Variants in PRR16 observed in about 807,000 individuals in gnomAD.
PRR16 encodes the protein proline rich 16.
PRR16 carries 6 observed loss-of-function variants against 18.2 expected under a neutral mutation model. The ratio of observed to expected loss-of-function variants is 0.33; its 90% CI spans 0.18 to 0.65. PRR16 has a LOEUF of 0.65. Among genes scored for constraint, PRR16 ranks in the 30% least tolerant of loss-of-function variants. The probability of loss-of-function intolerance (pLI) is 0.74; values close to 1 mark genes in which losing one functional copy is unlikely to be tolerated. For missense variants in PRR16, 412 were observed against 376.6 expected (o/e 1.09, Z -0.78); for synonymous variants, 151 against 147.8 (o/e 1.02, Z -0.16).
At chr5:120,609,042 A>G (rs969587404) in intron 1 of PRR16, among the ~76,000 whole-genome samples, 2 of 152,068 alleles carry the variant, frequency 1.3e-5, no homozygotes, top group Non-Finnish European at 2.9e-5. Flanking sequence ...AAATGACCAC[A>G]TCTTCTAAAA....
intron 1 of PRR16, among the ~76,000 whole-genome samples, chr5:120,583,313 ATGTGTGTGTGTGTGTG>A (rs35255792): frequency 6.7e-6 from 1 of 149,014 alleles, no homozygotes; most frequent in Non-Finnish European, 1.5e-5. Flanking sequence ...ATACAAAATA[ATGTGTGTGTGTGTGTG>A]TGTGTGTGTG....
the PRR16 span, among the ~76,000 whole-genome samples, chr5:120,779,429 A>G: frequency 1.3e-5 from 2 of 151,158 alleles, no homozygotes; most frequent in Non-Finnish European, 3.0e-5. Flanking sequence ...AACAAAACAA[A>G]AAAACACAAC....
the PRR16 span, among the ~76,000 whole-genome samples, chr5:120,752,640 T>C: frequency 6.6e-6 from 1 of 152,072 alleles, no homozygotes; most frequent in African/African-American, 2.4e-5. Flanking sequence ...TATTCCTAGA[T>C]TGTGTAACAG....
At chr5:120,467,855 T>C (rs1561502315) in intron 1 of PRR16, among the ~76,000 whole-genome samples, 2 of 152,172 alleles carry the variant, frequency 1.3e-5, no homozygotes, top group Non-Finnish European at 2.9e-5. Context: ...TTCTATGCTA[T>C]TAATATATTG....
At position 120,551,860 on chromosome 5, in the gene PRR16, CA is replaced by C; in HGVS notation, c.159+87216del. 2.0e-5 allele frequency among the ~76,000 whole-genome samples: 3 copies of C among 152,056 alleles called. No homozygotes were observed. In the South Asian group the frequency reaches 6.2e-4, roughly 31 times the overall value. ...ACAGGGTCTCTTGCTATGCTAGCAT[CA>C]TGTCTTCTACATTTAATAAATAGCC... On this transcript the variant is annotated intron_variant, in intron 1 of 1. Transcript: ENST00000407149.
chr5:120,681,961 T>A (rs1288968751), intron 1 of PRR16, among the ~76,000 whole-genome samples: 2 of 152,248 alleles, frequency 1.3e-5, no homozygotes. Flanking sequence ...CTGTGTACTT[T>A]AGAGGACACT....
chr5:120,778,500 T>C, the PRR16 span, among the ~76,000 whole-genome samples: 1 of 152,300 alleles, frequency 6.6e-6, no homozygotes, highest in African/African-American at 2.4e-5. Context: ...TTGAGTACAA[T>C]GTTTTAAAAA....
chr5:120,704,821 A>T, the PRR16 span, among the ~76,000 whole-genome samples: 1 of 152,222 alleles, frequency 6.6e-6, no homozygotes, highest in Non-Finnish European at 1.5e-5. Flanking sequence ...TAATTGAGAC[A>T]GTATATAGTC....
At chr5:120,637,726 A>G (rs1755286310) in intron 1 of PRR16, among the ~76,000 whole-genome samples, 1 of 152,094 alleles carries the variant, frequency 6.6e-6, no homozygotes, top group Non-Finnish European at 1.5e-5. Flanking sequence ...GTATGCCAAA[A>G]TCTCAGAAAT....
At chr5:120,772,635 A>G in the PRR16 span, among the ~76,000 whole-genome samples, 1 of 152,072 alleles carries the variant, frequency 6.6e-6, no homozygotes, top group African/African-American at 2.4e-5. Flanking sequence ...TGGAATGGAT[A>G]TAAGATGATT....
At chr5:120,550,999 G>A (rs958555665) in intron 1 of PRR16, among the ~76,000 whole-genome samples, 23 of 151,874 alleles carry the variant, frequency 1.5e-4, no homozygotes, top group African/African-American at 5.5e-4. Flanking sequence ...ATACAATCAA[G>A]CTAATTAACA....
At chr5:120,505,703 C>G (rs988164876) in intron 1 of PRR16, among the ~76,000 whole-genome samples, 1 of 150,638 alleles carries the variant, frequency 6.6e-6, no homozygotes, top group African/African-American at 2.5e-5. Context: ...CAGTTCAGAA[C>G]CTTCTGTTGT....
At chr5:120,552,698 A>G (rs1231833098) in intron 1 of PRR16, among the ~76,000 whole-genome samples, 3 of 151,934 alleles carry the variant, frequency 2.0e-5, no homozygotes, top group African/African-American at 4.8e-5. Context: ...GAAATGAACC[A>G]CATGCATTTT....
chr5:120,736,982 TTGTG>T, the PRR16 span, among the ~76,000 whole-genome samples: 1 of 152,110 alleles, frequency 6.6e-6, no homozygotes, highest in African/African-American at 2.4e-5. Flanking sequence ...AACAATGTAT[TTGTG>T]TGTGTGTGAG....
chr5:120,682,795 A>G (rs571475179), intron 1 of PRR16, among the ~76,000 whole-genome samples: 3 of 152,322 alleles, frequency 2.0e-5, no homozygotes, highest in African/African-American at 7.2e-5. Flanking sequence ...GAATAACTGA[A>G]TAAGTTTTGA....
chr5:120,607,802 G>A (rs766377829), intron 1 of PRR16, among the ~76,000 whole-genome samples: 1 of 150,658 alleles, frequency 6.6e-6, no homozygotes, highest in Non-Finnish European at 1.5e-5. Context: ...TTCAATTCTG[G>A]TAAACTCATT....
chr5:120,538,993 C>G (rs1384368338), intron 1 of PRR16, among the ~76,000 whole-genome samples: 1 of 152,044 alleles, frequency 6.6e-6, no homozygotes, highest in Non-Finnish European at 1.5e-5. Context: ...AGGAAAATGG[C>G]TAAATTAGGA....
chr5:120,530,281 A>ATATATATATT (rs1447791509), intron 1 of PRR16, among the ~76,000 whole-genome samples: 49 of 92,676 alleles, frequency 5.3e-4, no homozygotes, highest in African/African-American at 2.0e-3. Context: ...ATATATATAT[A>ATATATATATT]TATTTATTTA....
At chr5:120,668,333 T>G (rs1756469058) in intron 1 of PRR16, among the ~76,000 whole-genome samples, 1 of 151,148 alleles carries the variant, frequency 6.6e-6, no homozygotes, top group Admixed American at 6.6e-5. Context: ...CCTTTTATTT[T>G]GAGCCTATGT....
Sources: gnomAD v4.1 joint callset for allele counts (sites outside exome capture counted in the v4.1 genomes callset) on GRCh38, gnomAD v4.1.1 for gene constraint, MANE v1.5 for transcripts, NCBI Gene and HGNC (gene_info 2026-07-23, HGNC 2026-07-21) for gene names.